The following RBM20 variants were observed in gnomAD, a reference collection of about 807,000 sequenced individuals.
The protein encoded by RBM20 is RNA-binding protein 20.
Under a neutral mutation model 110.1 loss-of-function variants are expected in RBM20, and 51 were observed. The ratio of observed to expected loss-of-function variants is 0.46; its 90% confidence interval spans 0.37 to 0.59. The LOEUF is 0.59. RBM20 is among the 20% of genes least tolerant of loss of function. RBM20 has a pLI of 0.00. For missense variants in RBM20, 1,512 were observed against 1,574.9 expected (o/e 0.96, Z 0.68); for synonymous variants, 589 against 618.2 (o/e 0.95, Z 0.70).
chr10:110,670,917 A>G (rs1862248380), intron 1 of RBM20, among the ~76,000 whole-genome samples: 2 of 152,198 alleles, frequency 1.3e-5, no homozygotes. Flanking sequence ...AGTATCACAC[A>G]TGGTTTTACA....
At chr10:110,802,726 A>G (rs189618396) in intron 7 of RBM20, among the ~76,000 whole-genome samples, 5 of 152,352 alleles carry the variant, frequency 3.3e-5, no homozygotes, top group African/African-American at 4.8e-5. Flanking sequence ...CTGAGTGCTC[A>G]CCGTGGGTGG....
At chr10:110,796,252 CTTTGTCTG>C (rs1337992075) in intron 5 of RBM20, among the ~76,000 whole-genome samples, 2 of 152,202 alleles carry the variant, frequency 1.3e-5, no homozygotes, top group African/African-American at 4.8e-5. Flanking sequence ...TGCTGCACAT[CTTTGTCTG>C]TATGTGCTGA....
At chr10:110,699,646 C>G (rs186805783) in intron 1 of RBM20, among the ~76,000 whole-genome samples, 1 of 152,116 alleles carries the variant, frequency 6.6e-6, no homozygotes, top group Non-Finnish European at 1.5e-5. Flanking sequence ...TGTTTCCTGT[C>G]GCTCTTTTTT....
chr10:110,784,552 C>A, intron 4 of RBM20, 120 bp downstream of exon 4: 2 of 805,880 alleles, frequency 2.5e-6, no homozygotes, highest in Non-Finnish European at 4.2e-6. Flanking sequence ...ATGTAGAAAG[C>A]AAACAGATCC....
chr10:110,687,920 A>G (rs1024779376), intron 1 of RBM20, among the ~76,000 whole-genome samples: 1 of 152,112 alleles, frequency 6.6e-6, no homozygotes, highest in Admixed American at 6.6e-5. Flanking sequence ...CTCCTAGATT[A>G]AGAAATAAAA....
In RBM20 at chr10:110,704,011, C is replaced by T. The variant is rs1862797986; in HGVS notation, c.191+59366C>T. ...CCTGTAGTCCCAGCTCCTCAGGAGG[C>T]TGAGGCAGGAGAATCACTTGAACCA... On this transcript the variant is annotated intron_variant, in intron 1 of 13. Transcript: ENST00000369519. Among the ~76,000 whole-genome samples the T allele has an allele frequency of 4.6e-5, 7 of 152,298 alleles. No individual in the cohort carries two copies. The South Asian group carries it at 1.5e-3, about 32-fold the overall frequency.
rs1459115576 is a variant in RBM20, at chr10:110,837,599, G to A, written c.*1621G>A. 2 of 152,218 alleles carry A rather than the reference G, an allele frequency of 1.3e-5. No homozygotes were observed. Among genetic ancestry groups the A allele is most frequent in the African/African-American group, 4.8e-5 (2 of 41,422 alleles). The allele number at this position is 152,218 out of a possible 1,614,324, so 9.4% of individuals were successfully genotyped here. On this transcript the variant is annotated 3_prime_UTR_variant, in exon 14 of 14. Coordinates refer to ENST00000369519, the MANE Select transcript of RBM20 (RefSeq NM_001134363.3). ...TTTTTCATTTTCCTTTTTATGGCAT[G>A]TGAGAGCATACTGTACATTCTGTCC...
chr10:110,768,122 C>A (rs899662246), intron 1 of RBM20, among the ~76,000 whole-genome samples: 2 of 152,176 alleles, frequency 1.3e-5, no homozygotes, highest in Non-Finnish European at 2.9e-5. Context: ...CGCAGGCACT[C>A]GGCAGGCTGA....
At chr10:110,712,138 T>G (rs1862940348) in intron 1 of RBM20, among the ~76,000 whole-genome samples, 1 of 152,224 alleles carries the variant, frequency 6.6e-6, no homozygotes, top group African/African-American at 2.4e-5. Flanking sequence ...TTTTATATTA[T>G]TTTGTGTCAT....
At chr10:110,770,306 GTC>G (rs1243236869) in intron 1 of RBM20, among the ~76,000 whole-genome samples, 1 of 152,158 alleles carries the variant, frequency 6.6e-6, no homozygotes, top group Non-Finnish European at 1.5e-5. Flanking sequence ...CCTCAGATCT[GTC>G]TCTGCACCAT....
At chr10:110,737,971 A>G (rs1843689142) in intron 1 of RBM20, among the ~76,000 whole-genome samples, 3 of 152,212 alleles carry the variant, frequency 2.0e-5, no homozygotes, top group Admixed American at 1.3e-4. Flanking sequence ...CTATAAGACC[A>G]GGTCTTGCCT....
chr10:110,646,630 C>T (rs527735665), intron 1 of RBM20, among the ~76,000 whole-genome samples: 1 of 152,244 alleles, frequency 6.6e-6, no homozygotes, highest in African/African-American at 2.4e-5. Context: ...AGCTTGTGCT[C>T]TCCTTAGTAC....
At chr10:110,675,458 A>G (rs1188076562) in intron 1 of RBM20, among the ~76,000 whole-genome samples, 1 of 152,152 alleles carries the variant, frequency 6.6e-6, no homozygotes, top group African/African-American at 2.4e-5. Context: ...ATCTTATTTA[A>G]TCCCCAAACA....
At chr10:110,729,370 CCTT>C (rs1440118013) in intron 1 of RBM20, among the ~76,000 whole-genome samples, 1 of 152,222 alleles carries the variant, frequency 6.6e-6, no homozygotes, top group Non-Finnish European at 1.5e-5. Flanking sequence ...TCCTGCCTCT[CCTT>C]CTCACCTAGT....
At chr10:110,763,136 G>A (rs1003258613) in intron 1 of RBM20, among the ~76,000 whole-genome samples, 2 of 152,200 alleles carry the variant, frequency 1.3e-5, no homozygotes, top group African/African-American at 2.4e-5. Flanking sequence ...CACTGGGGCA[G>A]GTGGCCCATG....
intron 1 of RBM20, among the ~76,000 whole-genome samples, chr10:110,745,324 G>A (rs763005387): frequency 1.2e-4 from 18 of 152,240 alleles, no homozygotes; most frequent in African/African-American, 3.6e-4. Context: ...ATTTCCAGGC[G>A]CCTGCTGGGT....
intron 1 of RBM20, among the ~76,000 whole-genome samples, chr10:110,711,821 C>A (rs111654398): frequency 6.6e-6 from 1 of 152,222 alleles, no homozygotes; most frequent in African/African-American, 2.4e-5. Flanking sequence ...CAGGGTTTTG[C>A]AAATGTGCTC....
chr10:110,793,238 C>T (rs111778394), intron 5 of RBM20, among the ~76,000 whole-genome samples: 2,175 of 152,298 alleles, frequency 0.014, 17 homozygotes, highest in Non-Finnish European at 0.018. Context: ...GGAGGATGCT[C>T]TTTCCACTGG....
rs114649268 is a variant in RBM20, at chr10:110,677,166, G to A, written c.191+32521G>A. Among the ~76,000 whole-genome samples the A allele has an allele frequency of 3.7e-3, 559 of 152,206 alleles. 5 individuals carry two copies. Among genetic ancestry groups the A allele is most frequent in the African/African-American group, 0.013 (521 of 41,508 alleles). On this transcript the variant is annotated intron_variant, in intron 1 of 13. Transcript: ENST00000369519. ...TATCACATGGTGGAGGAGGCTAAGC[G>A]TGCTAGCTCAGGCCTCTCTCCTCTT...
Sources: allele counts gnomAD v4.1 joint callset (sites outside exome capture counted in the v4.1 genomes callset), GRCh38; gene constraint gnomAD v4.1.1; transcripts MANE v1.5; gene names NCBI Gene and HGNC (gene_info 2026-07-23, HGNC 2026-07-21).